COLGALT2: variants seen among roughly 807,000 people sequenced by gnomAD.
COLGALT2 encodes procollagen galactosyltransferase 2.
A neutral mutation model predicts 73.4 loss-of-function variants in COLGALT2; 49 were observed. The ratio of observed to expected loss-of-function variants is 0.67; its 90% CI spans 0.53 to 0.85. The LOEUF (loss-of-function observed/expected upper bound fraction) is 0.85, where lower values mean the gene tolerates loss of function less well. COLGALT2 is among the 40% of genes least tolerant of loss of function. The probability of loss-of-function intolerance (pLI) is 0.00; values close to 1 mark genes in which losing one functional copy is unlikely to be tolerated. For missense variants in COLGALT2, 722 were observed against 790.2 expected (o/e 0.91, Z 1.03); for synonymous variants, 295 against 307.6 (o/e 0.96, Z 0.43).
intron 1 of COLGALT2, among the ~76,000 whole-genome samples, chr1:184,029,387 C>A (rs1482716123): frequency 1.3e-5 from 2 of 152,174 alleles, no homozygotes; most frequent in African/African-American, 2.4e-5. Context: ...CTGCTTGGGT[C>A]CTAGGGTTCC....
rs1669997451 is a variant in COLGALT2 at position 183,937,785 on chromosome 1, A to G, written c.*976T>C. The G allele has an allele frequency of 3.0e-6, 3 of 985,398 alleles. No individual in the cohort carries two copies. Among genetic ancestry groups the G allele is most frequent in the Non-Finnish European group, 3.6e-6 (3 of 829,902 alleles). The allele number at this position is 985,398 out of a possible 1,614,324, so 61.0% of individuals were successfully genotyped here. On this transcript the variant is annotated 3_prime_UTR_variant, in exon 12 of 12. Coordinates refer to ENST00000361927, the MANE Select transcript of COLGALT2 (RefSeq NM_015101.4). ...AAATAAATAATTCAAAATATAATGA[A>G]AAAACTCTGGCAAGGATAGTTGCTG...
intron 1 of COLGALT2, 134 bp downstream of exon 1, chr1:184,036,961 C>T (rs1161270796): frequency 1.3e-5 from 10 of 749,734 alleles, no homozygotes; most frequent in Middle Eastern, 4.5e-4. Flanking sequence ...GGGGTGTGTG[C>T]GCCAGATTTT....
At chr1:183,968,975 A>C (rs1670957161) in intron 5 of COLGALT2, among the ~76,000 whole-genome samples, 1 of 152,164 alleles carries the variant, frequency 6.6e-6, no homozygotes, top group South Asian at 2.1e-4. Context: ...AAACAATTGC[A>C]ATGCAGTAGC....
chr1:184,006,525 G>T (rs12756153), intron 1 of COLGALT2, among the ~76,000 whole-genome samples: 28,519 of 151,748 alleles, frequency 0.19, 3,667 homozygotes, highest in African/African-American at 0.36. Flanking sequence ...CAGAGGTTAT[G>T]GTGAGCCGAG....
Position 183,938,423 on chromosome 1 carries a change from C to T in COLGALT2, c.*338G>A, listed in dbSNP as rs974201256. 9.1e-7 allele frequency: 1 copy of T among 1,098,724 alleles called. No individual in the cohort carries two copies. Among genetic ancestry groups the T allele is most frequent in the Non-Finnish European group, 1.1e-6 (1 of 900,888 alleles). The allele number at this position is 1,098,724 out of a possible 1,614,324, so 68.1% of individuals were successfully genotyped here. ...TGTGACAGCTCGGTGATCACTTTCT[C>T]TTGAACAAGACTCTGAGCCATGTTG... On this transcript the variant is annotated 3_prime_UTR_variant, in exon 12 of 12. Transcript: ENST00000361927.
chr1:183,944,060 A>G, intron 10 of COLGALT2, 136 bp downstream of exon 10: 2 of 1,055,030 alleles, frequency 1.9e-6, no homozygotes, highest in East Asian at 2.8e-5. Flanking sequence ...ATTTCTGAGA[A>G]CATTTATGGA....
intron 1 of COLGALT2, among the ~76,000 whole-genome samples, chr1:184,010,951 C>G (rs1025780837): frequency 1.3e-5 from 2 of 152,102 alleles, no homozygotes; most frequent in Admixed American, 6.5e-5. Context: ...CCAGAGGAAG[C>G]AAATACAACA....
At chr1:184,028,678 C>T (rs1436657937) in intron 1 of COLGALT2, among the ~76,000 whole-genome samples, 1 of 152,216 alleles carries the variant, frequency 6.6e-6, no homozygotes, top group Non-Finnish European at 1.5e-5. Flanking sequence ...AATGCTTCAG[C>T]TCAGCAGCTT....
intron 1 of COLGALT2, among the ~76,000 whole-genome samples, chr1:184,025,979 G>A (rs1428352542): frequency 6.6e-6 from 1 of 152,204 alleles, no homozygotes; most frequent in Non-Finnish European, 1.5e-5. Context: ...CACCCTTTGG[G>A]AAGTTTTCAA....
chr1:183,966,370 C>T (rs546804940), intron 5 of COLGALT2, among the ~76,000 whole-genome samples: 3 of 152,290 alleles, frequency 2.0e-5, no homozygotes, highest in South Asian at 4.1e-4. Flanking sequence ...TTTTCTTGTA[C>T]TCATATAGTA....
chr1:184,011,356 A>G (rs964138808), intron 1 of COLGALT2, among the ~76,000 whole-genome samples: 5 of 152,216 alleles, frequency 3.3e-5, no homozygotes, highest in African/African-American at 7.2e-5. Flanking sequence ...TTGTCTGACA[A>G]CTTAACTGGG....
At position 183,936,553 on chromosome 1, in the gene COLGALT2, A is replaced by T. The variant is rs1040594174; in HGVS notation, c.*2208T>A. ...AAAAAAATTCTCTATTAAACAAAAC[A>T]CCACAAAAATCAACCCAAACTTCCT... On this transcript the variant is annotated 3_prime_UTR_variant, in exon 12 of 12. Transcript: ENST00000361927. 2 of 1,097,642 alleles carry T rather than the reference A, an allele frequency of 1.8e-6. No individual in the cohort carries two copies. The highest frequency in any genetic ancestry group is 3.3e-5 in the African/African-American group (2 of 61,442). 68.0% of individuals were successfully genotyped at this position (1,097,642 alleles called of 1,614,324 possible). A position where few individuals can be genotyped will look rare whatever the true frequency, so the allele number is the denominator to read the frequency against.
intron 1 of COLGALT2, among the ~76,000 whole-genome samples, chr1:184,025,760 G>A (rs113755107): frequency 1.4e-4 from 22 of 152,268 alleles, no homozygotes; most frequent in Middle Eastern, 3.4e-3. Context: ...TATAAAACAG[G>A]ATAAAATACC....
chr1:184,010,971 G>T (rs1233064486), intron 1 of COLGALT2, among the ~76,000 whole-genome samples: 1 of 152,178 alleles, frequency 6.6e-6, no homozygotes, highest in African/African-American at 2.4e-5. Context: ...AGGCCAGTGG[G>T]GAGGAAGGCC....
chr1:183,993,705 C>T (rs1671692527), intron 1 of COLGALT2, among the ~76,000 whole-genome samples: 1 of 152,194 alleles, frequency 6.6e-6, no homozygotes, highest in Admixed American at 6.5e-5. Context: ...GTGAAGGAAG[C>T]CAACAATGTC....
At position 183,978,510 on chromosome 1, in the gene COLGALT2, C is replaced by A. The variant is rs1671266681; in HGVS notation, c.274G>T (p.Asp92Tyr). Residue 92 changes from aspartate to tyrosine, a missense_variant, in exon 2 of 12, where the codon GAT becomes TAT. Transcript: ENST00000361927. ...KSRMAIWAAT[D>Y]HNVDNTTEIF... ...TCTGTTGTATTATCCACATTGTGATCAGTGGCTGCCCTGCATGAGAGAAAG... is the reference window on the plus strand; with the variant it reads ...TCTGTTGTATTATCCACATTGTGATAAGTGGCTGCCCTGCATGAGAGAAAG... 1 of 1,597,684 alleles carries A rather than the reference C, an allele frequency of 6.3e-7. No individual in the cohort carries two copies. Among genetic ancestry groups the A allele is most frequent in the South Asian group, 1.1e-5 (1 of 90,572 alleles).
intron 1 of COLGALT2, among the ~76,000 whole-genome samples, chr1:184,006,108 C>A (rs1193265377): frequency 6.6e-6 from 1 of 152,170 alleles, no homozygotes; most frequent in Non-Finnish European, 1.5e-5. Flanking sequence ...GTTTTCTATG[C>A]TCTAGGGAGC....
chr1:184,037,207 G>T lies in COLGALT2; in HGVS notation c.151C>A (p.Gln51Lys), dbSNP rs1443632424. The T allele has an allele frequency of 5.0e-6, 8 of 1,604,002 alleles. No individual in the cohort carries two copies. Among genetic ancestry groups the T allele is most frequent in the African/African-American group, 1.3e-5 (1 of 74,432 alleles). Reference protein sequence around the residue: ...EPVVFPESPLQSPTVLVAVLA... With the variant: ...EPVVFPESPLKSPTVLVAVLA... The stretch of plus-strand genomic sequence containing the variant: ...ACCGCCACGAGCACCGTGGGGCTCT[G>T]CAGGGGCGACTCCGGGAAAACCACC... The change falls in exon 1 of 12, where the codon CAG becomes AAG. Residue 51 changes from glutamine to lysine, a missense_variant. Transcript: ENST00000361927.
chr1:184,024,655 C>CTTTTTTT (rs35844838), intron 1 of COLGALT2, among the ~76,000 whole-genome samples: 2 of 128,270 alleles, frequency 1.6e-5, no homozygotes, highest in East Asian at 2.3e-4. Flanking sequence ...CCAGCCTCAG[C>CTTTTTTT]TTTTTTTTTT....
Sources: gnomAD v4.1 joint callset for allele counts (sites outside exome capture counted in the v4.1 genomes callset) on GRCh38, gnomAD v4.1.1 for gene constraint, MANE v1.5 for transcripts, NCBI Gene and HGNC (gene_info 2026-07-23, HGNC 2026-07-21) for gene names.